Variants in MICU1 observed in about 807,000 individuals in gnomAD.
The protein encoded by MICU1 is mitochondrial calcium uptake 1.
MICU1 carries 45 observed loss-of-function variants against 56.8 expected under a neutral mutation model. The ratio of observed to expected loss-of-function variants is 0.79; its 90% CI spans 0.62 to 1.02. The LOEUF is 1.02. MICU1 is among the 50% of genes least tolerant of loss of function. The pLI is 0.00. For missense variants in MICU1, 504 were observed against 587.1 expected (o/e 0.86, Z 1.46); for synonymous variants, 186 against 195.1 (o/e 0.95, Z 0.39).
chr10:72,541,987 A>G (rs538903203), intron 4 of MICU1, among the ~76,000 whole-genome samples: 57 of 152,336 alleles, frequency 3.7e-4, no homozygotes, highest in South Asian at 1.9e-3. Context: ...TTCTTTACAT[A>G]AAAGTAAGGG....
In MICU1 at chr10:72,504,962, C is replaced by T. The variant is rs557624317; in HGVS notation, c.652+3193G>A. ...CACCGGTCAGAATGGCTATTATTAT[C>T]ATTATTATTATTATTATTATTATTT... On this transcript the variant is annotated intron_variant, in intron 6 of 11. Transcript: ENST00000361114. 5.2e-3 allele frequency among the ~76,000 whole-genome samples: 779 copies of T among 149,960 alleles called. 9 individuals carry two copies. Among genetic ancestry groups the T allele is most frequent in the Middle Eastern group, 7.0e-3 (2 of 286 alleles).
chr10:72,625,678 CAG>C (rs1248352190), intron 1 of MICU1, among the ~76,000 whole-genome samples: 1 of 152,180 alleles, frequency 6.6e-6, no homozygotes, highest in Non-Finnish European at 1.5e-5. Context: ...TCAAGGCTAC[CAG>C]AGTGTCCCAG....
At chr10:72,499,474 C>T (rs1026002505) in intron 6 of MICU1, among the ~76,000 whole-genome samples, 1 of 152,156 alleles carries the variant, frequency 6.6e-6, no homozygotes, top group South Asian at 2.1e-4. Context: ...TGGTAAATAA[C>T]ACATTGTGAT....
chr10:72,441,330 T>C (rs1359520580), intron 8 of MICU1, among the ~76,000 whole-genome samples: 1 of 150,814 alleles, frequency 6.6e-6, no homozygotes, highest in African/African-American at 2.4e-5. Flanking sequence ...GTTTGGTTTT[T>C]GTCACTCATA....
intron 1 of MICU1, among the ~76,000 whole-genome samples, chr10:72,591,373 A>G (rs1841219903): frequency 6.6e-6 from 1 of 152,116 alleles, no homozygotes; most frequent in Non-Finnish European, 1.5e-5. Flanking sequence ...AGATAATAAT[A>G]ATGATTAGAG....
At chr10:72,538,093 C>T (rs962734612) in intron 4 of MICU1, among the ~76,000 whole-genome samples, 19 of 152,170 alleles carry the variant, frequency 1.2e-4, no homozygotes, top group African/African-American at 3.6e-4. Flanking sequence ...CAGGCCCTTA[C>T]CTCACTATGC....
intron 1 of MICU1, among the ~76,000 whole-genome samples, chr10:72,619,469 C>G (rs1340286107): frequency 6.6e-6 from 1 of 152,110 alleles, no homozygotes; most frequent in Non-Finnish European, 1.5e-5. Flanking sequence ...ATAAATAAAA[C>G]AGATAAAATA....
chr10:72,411,677 G>T (rs140490528), intron 9 of MICU1, among the ~76,000 whole-genome samples: 1,848 of 152,216 alleles, frequency 0.012, 21 homozygotes, highest in Admixed American at 0.023. Context: ...TATTGAAAGG[G>T]TATTTGAGGC....
chr10:72,420,339 G>A (rs1413811026), intron 9 of MICU1, among the ~76,000 whole-genome samples: 1 of 152,204 alleles, frequency 6.6e-6, no homozygotes, highest in East Asian at 1.9e-4. Flanking sequence ...GGGATTACAG[G>A]CATGAGCCAC....
At chr10:72,562,663 G>T (rs1395524073) in intron 3 of MICU1, 1 of 352,922 alleles carries the variant, frequency 2.8e-6, no homozygotes, top group African/African-American at 2.1e-5. Flanking sequence ...TGAACTGAAA[G>T]AACTAAGAAA....
At chr10:72,572,112 A>C (rs1027083179) in intron 1 of MICU1, among the ~76,000 whole-genome samples, 3 of 152,060 alleles carry the variant, frequency 2.0e-5, no homozygotes, top group Admixed American at 2.0e-4. Flanking sequence ...TATACTAAAG[A>C]AGCTCATCCC....
At chr10:72,400,018 C>G (rs10823919) in intron 10 of MICU1, among the ~76,000 whole-genome samples, 67,358 of 152,136 alleles carry the variant, frequency 0.44, 18,785 homozygotes, top group Non-Finnish European at 0.64. Flanking sequence ...ATTTTTCCCC[C>G]TTCCAACTCA....
chr10:72,446,931 T>C (rs1036042680), intron 8 of MICU1, among the ~76,000 whole-genome samples: 2 of 152,186 alleles, frequency 1.3e-5, no homozygotes, highest in Non-Finnish European at 2.9e-5. Flanking sequence ...AAATAAACTT[T>C]CTGTCTTCTA....
At chr10:72,477,057 A>T in intron 7 of MICU1, 117 bp downstream of exon 7, 1 of 619,004 alleles carries the variant, frequency 1.6e-6, no homozygotes, top group Non-Finnish European at 2.6e-6. Flanking sequence ...CATTTTAGGT[A>T]CTTCAAAAAT....
In MICU1 at chr10:72,458,734, GGGTCTC is replaced by G. The variant is rs1415428915; in HGVS notation, c.933+16360_933+16365del. Among the ~76,000 whole-genome samples the G allele has an allele frequency of 3.3e-5, 5 of 149,582 alleles. No individual in the cohort carries two copies. The South Asian group carries it at 6.4e-4, about 19-fold the overall frequency. On this transcript the variant is annotated intron_variant, in intron 8 of 11. Coordinates refer to ENST00000361114, the MANE Select transcript of MICU1 (RefSeq NM_001195518.2). ...TTTTTTTTTTTTTTAAATAAATACA[GGGTCTC>G]ACTCTGTTGCCCAGGCTGGAGTCCA...
chr10:72,487,373 C>G (rs1564897315), intron 6 of MICU1, among the ~76,000 whole-genome samples: 1 of 152,108 alleles, frequency 6.6e-6, no homozygotes, highest in Non-Finnish European at 1.5e-5. Flanking sequence ...CAGACAAGAG[C>G]AGAGTTTCAA....
At chr10:72,525,131 T>C (rs916449301) in intron 5 of MICU1, among the ~76,000 whole-genome samples, 11 of 151,088 alleles carry the variant, frequency 7.3e-5, no homozygotes, top group Admixed American at 5.3e-4. Flanking sequence ...CTGCATTAAA[T>C]AAAGTGATAC....
At chr10:72,553,360 A>C (rs1456492226) in intron 3 of MICU1, among the ~76,000 whole-genome samples, 2 of 150,956 alleles carry the variant, frequency 1.3e-5, no homozygotes, top group East Asian at 3.9e-4. Flanking sequence ...CAGCCTCCCT[A>C]GTAGCTGGGA....
chr10:72,551,089 C>T, intron 4 of MICU1, 90 bp downstream of exon 4: 2 of 1,228,200 alleles, frequency 1.6e-6, no homozygotes, highest in Non-Finnish European at 2.2e-6. Context: ...ATTACAAGGA[C>T]CTGTAAGATT....
Sources: allele counts gnomAD v4.1 joint callset (sites outside exome capture counted in the v4.1 genomes callset), GRCh38; gene constraint gnomAD v4.1.1; transcripts MANE v1.5; gene names NCBI Gene and HGNC (gene_info 2026-07-23, HGNC 2026-07-21).